OR4N2: variants seen among roughly 807,000 people sequenced by gnomAD.
OR4N2 encodes olfactory receptor 4N2.
For synonymous variants in OR4N2, 141 were observed against 140.4 expected, an observed-to-expected ratio of 1.00 and a Z score of -0.03; for missense variants, 307 against 377.6, an observed-to-expected ratio of 0.81 and a Z score of 1.55.
intron 1 of OR4N2, among the ~76,000 whole-genome samples, chr14:19,813,556 G>A (rs1212585988): frequency 1.3e-5 from 2 of 152,206 alleles, no homozygotes; most frequent in East Asian, 1.9e-4. Flanking sequence ...GAGCTTAAGG[G>A]TAATTTTTAC....
intron 1 of OR4N2, among the ~76,000 whole-genome samples, chr14:19,824,173 T>C (rs1879635227): frequency 6.6e-6 from 1 of 152,274 alleles, no homozygotes; most frequent in African/African-American, 2.4e-5. Context: ...TTTACTCTGC[T>C]GATGCCATCA....
intron 1 of OR4N2, among the ~76,000 whole-genome samples, chr14:19,810,989 G>A (rs1479419484): frequency 1.3e-5 from 2 of 152,242 alleles, no homozygotes; most frequent in Non-Finnish European, 2.9e-5. Context: ...GGAAATGAAT[G>A]TAGAGCTGAA....
chr14:19,813,628 T>C (rs1000477785), intron 1 of OR4N2, among the ~76,000 whole-genome samples: 5 of 152,248 alleles, frequency 3.3e-5, no homozygotes, highest in African/African-American at 1.2e-4. Flanking sequence ...TGCCTTGATG[T>C]CAGCAAGAGT....
intron 1 of OR4N2, among the ~76,000 whole-genome samples, chr14:19,821,286 G>A (rs1376612085): frequency 6.6e-6 from 1 of 152,208 alleles, no homozygotes; most frequent in African/African-American, 2.4e-5. Context: ...CCAATGAGAT[G>A]AGCTGGGTAC....
At chr14:19,811,193 G>C (rs775219658) in intron 1 of OR4N2, among the ~76,000 whole-genome samples, 1 of 152,214 alleles carries the variant, frequency 6.6e-6, no homozygotes, top group Non-Finnish European at 1.5e-5. Flanking sequence ...GCATTGCAAG[G>C]ATTTTGCATT....
At chr14:19,826,290 C>G (rs1053801604) in intron 1 of OR4N2, among the ~76,000 whole-genome samples, 1 of 152,352 alleles carries the variant, frequency 6.6e-6, no homozygotes, top group African/African-American at 2.4e-5. Flanking sequence ...CAAGGTTGAA[C>G]TTACAAATCA....
At chr14:19,804,612 A>T (rs1432812741) in intron 1 of OR4N2, among the ~76,000 whole-genome samples, 1 of 152,062 alleles carries the variant, frequency 6.6e-6, no homozygotes, top group African/African-American at 2.4e-5. Context: ...TTGTTTTATG[A>T]TCGATTGTGT....
intron 1 of OR4N2, among the ~76,000 whole-genome samples, chr14:19,826,843 T>C (rs1879711887): frequency 6.6e-6 from 1 of 152,232 alleles, no homozygotes; most frequent in Admixed American, 6.5e-5. Context: ...AGCTTGGGAT[T>C]CTCGTGAACA....
chr14:19,808,257 T>G (rs1226381022), intron 1 of OR4N2, among the ~76,000 whole-genome samples: 1 of 152,140 alleles, frequency 6.6e-6, no homozygotes, highest in Non-Finnish European at 1.5e-5. Context: ...AAGAAAGAAA[T>G]AAAAGACATC....
chr14:19,805,397 C>A (rs544936709), intron 1 of OR4N2, among the ~76,000 whole-genome samples: 3 of 152,210 alleles, frequency 2.0e-5, no homozygotes, highest in African/African-American at 4.8e-5. Flanking sequence ...TAAGAAAGAA[C>A]CAAAGTGAAA....
intron 1 of OR4N2, among the ~76,000 whole-genome samples, chr14:19,814,385 T>A (rs187901808): frequency 1.3e-5 from 2 of 152,372 alleles, no homozygotes; most frequent in Admixed American, 1.3e-4. Context: ...AGAATAATTA[T>A]GCAACAGTAT....
chr14:19,810,727 G>GA (rs1185027848), intron 1 of OR4N2, among the ~76,000 whole-genome samples: 1 of 152,144 alleles, frequency 6.6e-6, no homozygotes, highest in African/African-American at 2.4e-5. Context: ...ACAAACATTA[G>GA]AAAAAATTTT....
In OR4N2 at chr14:19,827,533, G is replaced by A. The variant is rs771414547; in HGVS notation, c.85G>A (p.Val29Met). The A allele has an allele frequency of 1.2e-6, 2 of 1,614,114 alleles. No individual in the cohort carries two copies. Among genetic ancestry groups the A allele is most frequent in the South Asian group, 1.1e-5 (1 of 91,076 alleles). The change falls in exon 2 of 2, where the codon GTG becomes ATG. Residue 29 changes from valine (V) to methionine (M), a missense_variant. Physicochemically the swap from Val to Met is conservative, Grantham distance 21. Transcript: ENST00000557677. ...QSQDIQLLVFVLVLIFYFIIL... is the reference protein window; with the variant it reads ...QSQDIQLLVFMLVLIFYFIIL... Reference sequence around the variant, plus strand: ...TCAAGATATTCAGCTCCTGGTCTTTGTGCTAGTTTTAATATTCTACTTCAT... The same window carrying A: ...TCAAGATATTCAGCTCCTGGTCTTTATGCTAGTTTTAATATTCTACTTCAT...
intron 1 of OR4N2, among the ~76,000 whole-genome samples, chr14:19,822,893 C>T (rs1235624333): frequency 6.6e-6 from 1 of 152,236 alleles, no homozygotes; most frequent in East Asian, 1.9e-4. Context: ...CAGAATCACA[C>T]AATAAGTTAA....
chr14:19,823,130 T>C (rs1879607252), intron 1 of OR4N2, among the ~76,000 whole-genome samples: 1 of 152,250 alleles, frequency 6.6e-6, no homozygotes, highest in South Asian at 2.1e-4. Context: ...TCTATTATGT[T>C]CTCAGCCTGA....
rs1471360661 is a variant in OR4N2, at chr14:19,827,781, G to A, written c.333G>A (p.Glu111=). The change falls in exon 2 of 2, where the codon GAG becomes GAA. Residue 111 remains glutamate, a synonymous_variant. Transcript: ENST00000557677. ...TCTTGCACTTCCTTGGAGGAGGGGA[G>A]GGATTACTCCTTGTTGTGATGGCCT... ...LFFLHFLGGG[E]GLLLVVMAFD... is the part of the protein sequence containing the mutation. 1 of 1,614,246 alleles carries A rather than the reference G, an allele frequency of 6.2e-7. No individual in the cohort carries two copies. The highest frequency in any genetic ancestry group is 1.7e-5 in the Admixed American group (1 of 60,030).
At chr14:19,810,992 G>C (rs1686571) in intron 1 of OR4N2, among the ~76,000 whole-genome samples, 38,625 of 148,434 alleles carry the variant, frequency 0.26, 2,051 homozygotes, top group South Asian at 0.32. Context: ...AATGAATGTA[G>C]AGCTGAAAAC....
At chr14:19,811,958 T>C (rs1412046787) in intron 1 of OR4N2, among the ~76,000 whole-genome samples, 1 of 152,262 alleles carries the variant, frequency 6.6e-6, no homozygotes, top group Non-Finnish European at 1.5e-5. Context: ...AGTTGTTTTT[T>C]AAAGGTATTA....
intron 1 of OR4N2, among the ~76,000 whole-genome samples, chr14:19,818,800 G>A (rs1311104141): frequency 6.6e-6 from 1 of 152,232 alleles, no homozygotes; most frequent in East Asian, 1.9e-4. Context: ...AATTTGGTAT[G>A]TTTTTGCAGT....
Sources: gnomAD v4.1 joint callset for allele counts (sites outside exome capture counted in the v4.1 genomes callset) on GRCh38, gnomAD v4.1.1 for gene constraint, MANE v1.5 for transcripts, NCBI Gene and HGNC (gene_info 2026-07-23, HGNC 2026-07-21) for gene names.